SMIM24: variants seen among roughly 807,000 people sequenced by gnomAD.
The protein encoded by SMIM24 is MAP17-related dimer.
A neutral mutation model predicts 10.8 loss-of-function variants in SMIM24; 6 were observed. The ratio of observed to expected loss-of-function variants is 0.55; its 90% CI spans 0.30 to 1.09. SMIM24 has a LOEUF of 1.09. Ranked by LOEUF, SMIM24 falls within the 50% of genes least tolerant of loss-of-function variation. SMIM24 has a pLI of 0.06. For synonymous variants in SMIM24, 71 were observed against 62.4 expected, an observed-to-expected ratio of 1.14 and a Z score of -0.65; for missense variants, 151 against 153.4, an observed-to-expected ratio of 0.98 and a Z score of 0.08.
intron 3 of SMIM24, among the ~76,000 whole-genome samples, chr19:3,476,738 C>CTGGATGGATGGA (rs35402201): frequency 6.6e-6 from 1 of 150,722 alleles, no homozygotes; most frequent in Admixed American, 6.6e-5. Flanking sequence ...GCCCCCAGCC[C>CTGGATGGATGGA]TGGATGGATG....
chr19:3,474,970 G>A lies in SMIM24; in HGVS notation c.266C>T (p.Ala89Val). ...QSEDKREKKE[A>V]KEKEEKRKKE... ...CTTCCTCTTCTCTTCTTTCTCCTTGGCCTCTTTCTTCTCTCTCTTGTCTTC... is the reference window on the plus strand; with the variant it reads ...CTTCCTCTTCTCTTCTTTCTCCTTGACCTCTTTCTTCTCTCTCTTGTCTTC... Residue 89 changes from alanine (A) to valine (V), a missense_variant, in exon 4 of 4, where the codon GCC becomes GTC. Physicochemically the swap from Ala to Val is moderately conservative, Grantham distance 64 (BLOSUM62 0). Coordinates refer to ENST00000215531, the MANE Select transcript of SMIM24 (RefSeq NM_001136503.2). 2 of 1,550,948 alleles carry A rather than the reference G, an allele frequency of 1.3e-6. No homozygotes were observed. Among genetic ancestry groups the A allele is most frequent in the South Asian group, 2.4e-5 (2 of 84,016 alleles).
At chr19:3,478,715 G>T in intron 2 of SMIM24, 103 bp downstream of exon 2, 1 of 956,284 alleles carries the variant, frequency 1.0e-6, no homozygotes, top group Non-Finnish European at 1.5e-6. Context: ...GGAAATGGGA[G>T]ACCTTCGGAC....
intron 1 of SMIM24, among the ~76,000 whole-genome samples, chr19:3,479,687 G>C (rs2082809321): frequency 7.2e-6 from 1 of 139,398 alleles, no homozygotes; most frequent in Non-Finnish European, 1.5e-5. Context: ...AGGAGGAAGA[G>C]GCTCAGATGG....
rs1599751021 is a variant in SMIM24, at chr19:3,478,567, T to C, written c.180-89A>G. On this transcript the variant is annotated intron_variant, in intron 2 of 3. Coordinates refer to ENST00000215531, the MANE Select transcript of SMIM24 (RefSeq NM_001136503.2). ...GAAGCGGTGTGACAGCCTCAGCCTC[T>C]GTCCCAACCTCCCAGCCGGGGCTCA... The C allele has an allele frequency of 2.8e-5, 34 of 1,229,290 alleles. No individual in the cohort carries two copies. In the South Asian group the frequency reaches 4.1e-4, roughly 15 times the overall value. The allele number at this position is 1,229,290 out of a possible 1,614,324, so 76.1% of individuals were successfully genotyped here.
rs2082785286 is a variant in SMIM24 at position 3,474,634 on chromosome 19, G to A, written c.*209C>T. 8 of 589,342 alleles carry A rather than the reference G, an allele frequency of 1.4e-5. No homozygotes were observed. Among genetic ancestry groups the A allele is most frequent in the Non-Finnish European group, 2.3e-5 (8 of 347,758 alleles). 36.5% of individuals were successfully genotyped at this position (589,342 alleles called of 1,614,324 possible). A position where few individuals can be genotyped will look rare whatever the true frequency, so the allele number is the denominator to read the frequency against. On this transcript the variant is annotated 3_prime_UTR_variant, in exon 4 of 4. Transcript: ENST00000215531. ...AGAAGAATCACCAGGCAGGGACCAA[G>A]CTCAGGAAGAGGGGTGCATGAAAAC...
intron 3 of SMIM24, among the ~76,000 whole-genome samples, chr19:3,477,497 ATGGATGGATGGATGG>A: frequency 7.8e-6 from 1 of 129,020 alleles, no homozygotes; most frequent in Non-Finnish European, 1.6e-5. Flanking sequence ...TGGATGGATG[ATGGATGGATGGATGG>A]TGGGTGATGG....
chr19:3,479,373 T>C (rs35660775), intron 1 of SMIM24, among the ~76,000 whole-genome samples: 75,480 of 125,734 alleles, frequency 0.6, 21,382 homozygotes, highest in East Asian at 0.88. Context: ...AAGGAGGAGG[T>C]GGCTCAGATG....
chr19:3,475,053 T>C, intron 3 of SMIM24, 57 bp from the exon 4 acceptor site: 1 of 1,526,954 alleles, frequency 6.5e-7, no homozygotes, highest in South Asian at 1.2e-5. Context: ...TCCTATTTAA[T>C]GGCCACTCAC....
Position 3,474,663 on chromosome 19 carries a change from G to C in SMIM24, c.*180C>G. On this transcript the variant is annotated 3_prime_UTR_variant, in exon 4 of 4. Transcript: ENST00000215531. ...AGGAAGAGGGGTGCATGAAAACCAT[G>C]TTTGCCCAGAGAGCCCCCAATGAGG... 3 of 710,148 alleles carry C rather than the reference G, an allele frequency of 4.2e-6. No homozygotes were observed. Among genetic ancestry groups the C allele is most frequent in the Non-Finnish European group, 6.6e-6 (3 of 452,874 alleles). 44.0% of individuals were successfully genotyped at this position (710,148 alleles called of 1,614,324 possible).
chr19:3,479,177 G>A (rs1312975751), intron 1 of SMIM24: 1 of 442,784 alleles, frequency 2.3e-6, no homozygotes, highest in African/African-American at 2.0e-5. Flanking sequence ...TATAAAAGAA[G>A]GGGGGCTTAG....
At chr19:3,480,339 T>C in intron 1 of SMIM24, 58 bp downstream of exon 1, 2 of 1,395,112 alleles carry the variant, frequency 1.4e-6, no homozygotes, top group Non-Finnish European at 1.9e-6. Context: ...TGGGAGATGG[T>C]GATCACCTGA....
chr19:3,478,984 T>C (rs2122023431), intron 1 of SMIM24, 55 bp from the exon 2 acceptor site: 2 of 1,362,984 alleles, frequency 1.5e-6, no homozygotes, highest in Middle Eastern at 1.8e-4. Context: ...GAAGACCCCC[T>C]TCCCCCACCA....
intron 3 of SMIM24, 135 bp from the exon 4 acceptor site, chr19:3,475,131 T>A: frequency 9.5e-7 from 1 of 1,048,958 alleles, no homozygotes; most frequent in Non-Finnish European, 1.3e-6. Context: ...TAACCCTAAC[T>A]ACGCGGCCTC....
chr19:3,474,872 G>T lies in SMIM24; in HGVS notation c.364C>A (p.His122Asn). The T allele has an allele frequency of 6.4e-7, 1 of 1,551,586 alleles. No individual in the cohort carries two copies. Among genetic ancestry groups the T allele is most frequent in the Non-Finnish European group, 8.7e-7 (1 of 1,146,992 alleles). Residue 122 changes from histidine to asparagine, a missense_variant, in exon 4 of 4, where the codon CAT becomes AAT. By Grantham distance (68) the His-to-Asn change is moderately conservative. Coordinates refer to ENST00000215531, the MANE Select transcript of SMIM24 (RefSeq NM_001136503.2). ...ATGACTGTGCTCTTTGCTCTCTCATGGTCTCCGGGCTCTTTTTCCTCCAGA... is the reference window on the plus strand; with the variant it reads ...ATGACTGTGCTCTTTGCTCTCTCATTGTCTCCGGGCTCTTTTTCCTCCAGA... ...LDLEEKEPGD[H>N]ERAKSTVM is the part of the protein sequence containing the mutation.
chr19:3,474,767 C>A lies in SMIM24; in HGVS notation c.*76G>T. 1 of 1,486,664 alleles carries A rather than the reference C, an allele frequency of 6.7e-7. No homozygotes were observed. Among genetic ancestry groups the A allele is most frequent in the South Asian group, 1.3e-5 (1 of 75,770 alleles). 92.1% of individuals were successfully genotyped at this position (1,486,664 alleles called of 1,614,324 possible). A position where few individuals can be genotyped will look rare whatever the true frequency, so the allele number is the denominator to read the frequency against. On this transcript the variant is annotated 3_prime_UTR_variant, in exon 4 of 4. Coordinates refer to ENST00000215531, the MANE Select transcript of SMIM24 (RefSeq NM_001136503.2). ...CCAGATGGAGTCATTTCACGGGCTTCAAGTCCAGGGCACTGCTTTTAGGGG... is the reference window on the plus strand; with the variant it reads ...CCAGATGGAGTCATTTCACGGGCTTAAAGTCCAGGGCACTGCTTTTAGGGG...
intron 1 of SMIM24, 26 bp from the exon 2 acceptor site, chr19:3,478,955 T>C (rs1472135075): frequency 6.5e-7 from 1 of 1,537,072 alleles, no homozygotes; most frequent in South Asian, 1.2e-5. Context: ...GAGGTTCGAC[T>C]CAGAGGAAGA....
Position 3,474,819 on chromosome 19 carries a change from C to T in SMIM24, c.*24G>A. The T allele has an allele frequency of 6.5e-7, 1 of 1,548,996 alleles. No individual in the cohort carries two copies. On this transcript the variant is annotated 3_prime_UTR_variant, in exon 4 of 4. Transcript: ENST00000215531. ...CAGAAGAGGCATCTCTGGGGGACTG[C>T]CTGGAAGAGGCAGCCAGGAATCTTC...
chr19:3,478,300 A>T, intron 3 of SMIM24, 119 bp downstream of exon 3: 5 of 959,108 alleles, frequency 5.2e-6, no homozygotes, highest in Non-Finnish European at 3.0e-6. Context: ...AGGAAAGGTG[A>T]AGATCCCAGG....
intron 1 of SMIM24, among the ~76,000 whole-genome samples, chr19:3,479,943 G>A (rs1599751858): frequency 7.0e-6 from 1 of 143,398 alleles, no homozygotes; most frequent in Admixed American, 7.0e-5. Flanking sequence ...TATAGAGGAG[G>A]CAGAGGCTCA....
Sources: allele counts gnomAD v4.1 joint callset (sites outside exome capture counted in the v4.1 genomes callset), GRCh38; gene constraint gnomAD v4.1.1; transcripts MANE v1.5; gene names NCBI Gene and HGNC (gene_info 2026-07-23, HGNC 2026-07-21).